RYR1: variants seen among roughly 807,000 people sequenced by gnomAD.
RYR1 encodes the protein ryanodine receptor 1.
RYR1 carries 342 observed loss-of-function variants against 583.5 expected under a neutral mutation model. That is an observed-to-expected ratio of 0.59 (90% confidence interval 0.54 to 0.64). RYR1 has a LOEUF of 0.64. RYR1 is among the 30% of genes least tolerant of loss of function. The pLI, the probability that RYR1 is intolerant of heterozygous loss-of-function variation, is 0.00. For missense variants in RYR1, 6,032 were observed against 6,917.2 expected (o/e 0.87, Z 4.54); for synonymous variants, 2,791 against 2,822.5 (o/e 0.99, Z 0.35).
rs774226414 is a variant in RYR1 at position 38,458,033 on chromosome 19, G to C, written c.1926-18G>C. On this transcript the variant is annotated intron_variant, in intron 17 of 105. Transcript: ENST00000359596. The stretch of plus-strand genomic sequence containing the variant: ...TGCCTCTCCGTCATCCCCCTCTCCT[G>C]TCCCATCTCTCCTGCAGCATCCGCC... The C allele has an allele frequency of 1.3e-5, 21 of 1,612,354 alleles. No individual in the cohort carries two copies. Among genetic ancestry groups the C allele is most frequent in the Non-Finnish European group, 1.8e-5 (21 of 1,179,958 alleles).
intron 13 of RYR1, 23 bp from the exon 14 acceptor site, chr19:38,455,212 G>C (rs200098574): frequency 6.2e-7 from 1 of 1,613,736 alleles, no homozygotes; most frequent in Admixed American, 1.7e-5. Flanking sequence ...CTATTGTGAT[G>C]CCTCTTATTT....
In RYR1 at chr19:38,455,809, A is replaced by G; in HGVS notation, c.1791+58A>G. On this transcript the variant is annotated intron_variant, in intron 16 of 105. Coordinates refer to ENST00000359596, the MANE Select transcript of RYR1 (RefSeq NM_000540.3). Reference sequence around the variant, plus strand: ...GAACTCTGAATGCTGGCCTCTCCCCAGGGCTCCAGAACTCTGCTCACTCCC... The same window carrying G: ...GAACTCTGAATGCTGGCCTCTCCCCGGGGCTCCAGAACTCTGCTCACTCCC... 7 of 1,072,368 alleles carry G rather than the reference A, an allele frequency of 6.5e-6. No individual in the cohort carries two copies. In the South Asian group the frequency reaches 8.7e-5, roughly 13 times the overall value. The allele number at this position is 1,072,368 out of a possible 1,614,324, so 66.4% of individuals were successfully genotyped here.
chr19:38,580,508 A>G lies in RYR1; in HGVS notation c.14646+4A>G, dbSNP rs774195730. ...GAAGTGTGATGACATGATGACGGTG[A>G]GCCCCTCCCCTAGCACTCTGGGACC... On this transcript the variant is annotated splice_donor_region_variant and intron_variant, in intron 101 of 105. Transcript: ENST00000359596. The G allele has an allele frequency of 1.9e-6, 3 of 1,613,972 alleles. No homozygotes were observed. Among genetic ancestry groups the G allele is most frequent in the Non-Finnish European group, 2.5e-6 (3 of 1,179,974 alleles).
In RYR1 at chr19:38,473,494, C is replaced by A. The variant is rs761000999; in HGVS notation, c.3883C>A (p.Gln1295Lys). Residue 1295 changes from glutamine to lysine, a missense_variant, in exon 28 of 106, where the codon CAG (glutamine) becomes AAG (lysine). Physicochemically the swap from Gln to Lys is moderately conservative, Grantham distance 53. Transcript: ENST00000359596. ...MLFLRLSLPV[Q>K]FHQHFRCTAG... is the part of the protein sequence containing the mutation. ...TTTCCTGCGGCTGAGCCTCCCAGTCCAGTTCCACCAGCACTTCCGCTGCAC... is the reference window on the plus strand; with the variant it reads ...TTTCCTGCGGCTGAGCCTCCCAGTCAAGTTCCACCAGCACTTCCGCTGCAC... The A allele has an allele frequency of 2.5e-6, 4 of 1,613,772 alleles. No homozygotes were observed. The South Asian group carries it at 4.4e-5, about 18-fold the overall frequency.
rs1357469402 is a variant in RYR1, at chr19:38,496,275, G to A, written c.6609G>A (p.Met2203Ile). 6.2e-7 allele frequency: 1 copy of A among 1,614,050 alleles called. No individual in the cohort carries two copies. Among genetic ancestry groups the A allele is most frequent in the African/African-American group, 1.3e-5 (1 of 75,078 alleles). Reference protein sequence around the residue: ...QHPNLMRALGMHETVMEVMVN... With the variant: ...QHPNLMRALGIHETVMEVMVN... ...CGAACCTGATGAGGGCGCTGGGCAT[G>A]CACGAGACGGTCATGGAGGTCATGG... Residue 2203 changes from methionine to isoleucine, a missense_variant, in exon 40 of 106, where the codon ATG becomes ATA. This residue lies in a region of RYR1 where 2,627 missense variants were observed against 2,961.3 expected (regional missense o/e 0.89). Transcript: ENST00000359596. The surrounding 1 kb of genome is among the most constrained non-coding windows in gnomAD (Gnocchi z 4.8).
intron 2 of RYR1, among the ~76,000 whole-genome samples, chr19:38,441,766 T>G (rs1600634745): frequency 6.6e-6 from 1 of 150,430 alleles, no homozygotes; most frequent in African/African-American, 2.5e-5. Context: ...TCTGAGCGAG[T>G]GGGGTCTGAG....
At chr19:38,544,833 G>A (rs1344894197) in intron 87 of RYR1, among the ~76,000 whole-genome samples, 3 of 152,178 alleles carry the variant, frequency 2.0e-5, no homozygotes, top group Non-Finnish European at 4.4e-5. Flanking sequence ...CCACCATCTA[G>A]TCTAGGTTGC....
At chr19:38,433,987 C>G in intron 1 of RYR1, 113 bp downstream of exon 1, 2 of 896,200 alleles carry the variant, frequency 2.2e-6, no homozygotes, top group South Asian at 1.3e-5. Flanking sequence ...GACTCGAGGT[C>G]TCTTCCTATG....
intron 70 of RYR1, among the ~76,000 whole-genome samples, 160 bp downstream of exon 70, chr19:38,524,089 CA>C: frequency 6.8e-6 from 1 of 148,020 alleles, no homozygotes; most frequent in Middle Eastern, 3.4e-3. Context: ...CTTCCCTCCC[CA>C]CCACCCCCAT....
rs771599721 is a variant in RYR1, at chr19:38,565,785, C to A, written c.13437+14C>A. 2.2e-6 allele frequency: 3 copies of A among 1,375,002 alleles called. No individual in the cohort carries two copies. Among genetic ancestry groups the A allele is most frequent in the Non-Finnish European group, 1.9e-6 (2 of 1,072,792 alleles). The allele number at this position is 1,375,002 out of a possible 1,614,324, so 85.2% of individuals were successfully genotyped here. ...AGGAAATTGGGGGTGAGAGAGCAGG[C>A]GGGGTTTTGGGGTTTTGGAAAGATG... On this transcript the variant is annotated intron_variant, in intron 91 of 105. Transcript: ENST00000359596. This position sits in a 1 kb window ranked among gnomAD's most constrained non-coding sequence, Gnocchi z 4.7.
chr19:38,497,901 C>A (rs796655622), intron 42 of RYR1, among the ~76,000 whole-genome samples: 2 of 151,854 alleles, frequency 1.3e-5, no homozygotes, highest in Admixed American at 6.6e-5. Context: ...ATAGAGCCTG[C>A]GAGGCTGAGG....
At chr19:38,549,515 T>G (rs1256383699) in intron 89 of RYR1, among the ~76,000 whole-genome samples, 1 of 152,118 alleles carries the variant, frequency 6.6e-6, no homozygotes, top group Non-Finnish European at 1.5e-5. Context: ...CAAGAGATGT[T>G]AGCTGCTATT....
At chr19:38,554,738 G>C (rs1401262589) in intron 89 of RYR1, among the ~76,000 whole-genome samples, 4 of 152,022 alleles carry the variant, frequency 2.6e-5, no homozygotes, top group Non-Finnish European at 4.4e-5. Context: ...CTCCCAAAGC[G>C]CTGGGATTAC....
chr19:38,529,755 G>T (rs1971646913), intron 76 of RYR1, among the ~76,000 whole-genome samples: 1 of 152,152 alleles, frequency 6.6e-6, no homozygotes, highest in Non-Finnish European at 1.5e-5. Context: ...CTAATGACAG[G>T]CTTAGTAATA....
At chr19:38,436,201 C>T (rs1224487647) in intron 1 of RYR1, among the ~76,000 whole-genome samples, 2 of 151,822 alleles carry the variant, frequency 1.3e-5, no homozygotes, top group African/African-American at 2.4e-5. Flanking sequence ...TGAGCCACCA[C>T]GCCCGGCCTT....
chr19:38,541,157 A>G (rs1359368665), intron 84 of RYR1, among the ~76,000 whole-genome samples: 1 of 152,230 alleles, frequency 6.6e-6, no homozygotes, highest in African/African-American at 2.4e-5. Flanking sequence ...ACTTAAGCCC[A>G]GGTTTTGCCT....
At chr19:38,446,326 C>T in intron 7 of RYR1, 146 bp from the exon 8 acceptor site, 2 of 700,144 alleles carry the variant, frequency 2.9e-6, no homozygotes, top group Non-Finnish European at 2.6e-6. Context: ...TGAAAATACC[C>T]TGAAACTCAG....
rs750429900 is a variant in RYR1, at chr19:38,467,729, C to T, written c.3298C>T (p.Arg1100Cys). 1.7e-5 allele frequency: 27 copies of T among 1,614,100 alleles called. No individual in the cohort carries two copies. Among genetic ancestry groups the T allele is most frequent in the South Asian group, 1.2e-4 (11 of 91,092 alleles). The change falls in exon 25 of 106, where the codon CGC becomes TGC. Residue 1100 changes from arginine to cysteine, a missense_variant. Physicochemically the swap from Arg to Cys is radical, Grantham distance 180. Transcript: ENST00000359596. ...EFEAVTTGEM[R>C]VGWARPELRP... ...TGAAGCAGTCACCACAGGCGAGATG[C>T]GCGTGGGCTGGGCGAGGCCCGAGCT... is the stretch of plus-strand genomic sequence containing the variant.
intron 99 of RYR1, among the ~76,000 whole-genome samples, chr19:38,578,780 G>A (rs1225537161): frequency 6.6e-6 from 1 of 152,034 alleles, no homozygotes; most frequent in Non-Finnish European, 1.5e-5. Context: ...GACAGAATGA[G>A]AATCCATCTC....
Sources: gnomAD v4.1 joint callset for allele counts (sites outside exome capture counted in the v4.1 genomes callset) on GRCh38, gnomAD v4.1.1 for gene constraint, gnomAD v4.1.1 regional missense constraint, Gnocchi (gnomAD v3.1) non-coding constraint, MANE v1.5 for transcripts, NCBI Gene and HGNC (gene_info 2026-07-23, HGNC 2026-07-21) for gene names.